GABRA3: variants seen among roughly 807,000 people sequenced by gnomAD.
GABRA3 encodes the protein gamma-aminobutyric acid receptor subunit alpha-3.
Under a neutral mutation model 30.1 loss-of-function variants are expected in GABRA3, and 10 were observed. That is an observed-to-expected ratio of 0.33 (90% CI 0.20 to 0.56). The LOEUF is 0.56. GABRA3 is among the 20% of genes least tolerant of loss of function. The pLI, the probability that GABRA3 is intolerant of heterozygous loss-of-function variation, is 0.89. For synonymous variants in GABRA3, 151 were observed against 146.8 expected (o/e 1.03, Z -0.21); for missense variants, 233 against 392.0 (o/e 0.59, Z 3.42).
At chrX:152,204,161 C>T (rs1016271019) in intron 7 of GABRA3, among the ~76,000 whole-genome samples, 2 of 110,875 alleles carry the variant, frequency 1.8e-5, no homozygotes, top group African/African-American at 6.6e-5. Flanking sequence ...GCACTCAATA[C>T]CTTAGAGTAG....
At chrX:152,284,782 T>C (rs1333471449) in intron 3 of GABRA3, 47 bp from the exon 4 acceptor site, 1 of 977,687 alleles carries the variant, frequency 1.0e-6, no homozygotes. Flanking sequence ...AAGGCTTTTG[T>C]CTTAGCTCAG....
chrX:152,227,760 T>C (rs1257460333), intron 5 of GABRA3, among the ~76,000 whole-genome samples: 2 of 109,893 alleles, frequency 1.8e-5, no homozygotes, highest in Admixed American at 2.0e-4. Context: ...CAGACATTAT[T>C]ATCATCTTTA....
chrX:152,199,273 G>A (rs1406116575), intron 7 of GABRA3, among the ~76,000 whole-genome samples: 4 of 105,615 alleles, frequency 3.8e-5, no homozygotes, highest in Non-Finnish European at 8.0e-5. Context: ...GGCTGAGGCA[G>A]GAGAATGGCG....
At chrX:152,352,383 C>A (rs1250305566) in intron 2 of GABRA3, among the ~76,000 whole-genome samples, 1 of 111,680 alleles carries the variant, frequency 9.0e-6, no homozygotes, top group Non-Finnish European at 1.9e-5. Flanking sequence ...TCATTAACTT[C>A]CCCCCAAACT....
chrX:152,283,344 G>A (rs956656898), intron 4 of GABRA3, among the ~76,000 whole-genome samples: 5 of 111,263 alleles, frequency 4.5e-5, no homozygotes, highest in South Asian at 7.5e-4. Context: ...ACTTGCCCTC[G>A]AGGAGTTCAA....
At chrX:152,266,822 C>G (rs748992691) in intron 4 of GABRA3, among the ~76,000 whole-genome samples, 1 of 111,609 alleles carries the variant, frequency 9.0e-6, no homozygotes, top group East Asian at 2.8e-4. Context: ...AGCTCCATGA[C>G]AGCAGGGACT....
chrX:152,432,747 T>C (rs1271793689), intron 1 of GABRA3, among the ~76,000 whole-genome samples: 1 of 111,560 alleles, frequency 9.0e-6, no homozygotes, highest in South Asian at 3.7e-4. Context: ...TGGAAAAAGA[T>C]GAAAGCTATA....
chrX:152,368,940 T>A (rs771757093), intron 1 of GABRA3, among the ~76,000 whole-genome samples: 1 of 111,020 alleles, frequency 9.0e-6, no homozygotes, highest in African/African-American at 3.3e-5. Flanking sequence ...CTCCTGACCT[T>A]GTGATCCGCC....
intron 6 of GABRA3, among the ~76,000 whole-genome samples, chrX:152,220,706 C>T (rs752906260): frequency 1.8e-5 from 2 of 111,704 alleles, no homozygotes; most frequent in East Asian, 5.7e-4. Flanking sequence ...TCAACATCCT[C>T]ACCAAGAAGT....
intron 1 of GABRA3, among the ~76,000 whole-genome samples, chrX:152,413,566 T>C (rs1448412140): frequency 9.0e-6 from 1 of 111,438 alleles, no homozygotes. Context: ...AACTATATAA[T>C]GCAGAAATAT....
chrX:152,359,042 T>G (rs2124490335), intron 2 of GABRA3, among the ~76,000 whole-genome samples: 1 of 111,334 alleles, frequency 9.0e-6, no homozygotes, highest in East Asian at 2.8e-4. Context: ...GTGTACCAGG[T>G]TTTGGTATCA....
At chrX:152,202,190 G>A (rs902103087) in intron 7 of GABRA3, among the ~76,000 whole-genome samples, 2 of 111,692 alleles carry the variant, frequency 1.8e-5, no homozygotes, top group Non-Finnish European at 3.8e-5. Flanking sequence ...GAGAAAGCCA[G>A]CCATACCAAT....
chrX:152,281,234 C>G (rs1939193381), intron 4 of GABRA3, among the ~76,000 whole-genome samples: 1 of 111,971 alleles, frequency 8.9e-6, no homozygotes, highest in South Asian at 3.7e-4. Flanking sequence ...CAACCTTTCT[C>G]TTATTGCCAT....
At chrX:152,197,809 A>G in intron 7 of GABRA3, 24 bp from the exon 8 acceptor site, 1 of 1,153,896 alleles carries the variant, frequency 8.7e-7, no homozygotes, top group African/African-American at 1.8e-5. Context: ...AAAATTAGGC[A>G]GTATGTAGCT....
At chrX:152,331,676 T>C (rs1357393561) in intron 3 of GABRA3, among the ~76,000 whole-genome samples, 2 of 111,237 alleles carry the variant, frequency 1.8e-5, no homozygotes, top group Non-Finnish European at 3.8e-5. Context: ...AACTGAAGAA[T>C]GAAGGAGGTG....
At chrX:152,240,315 T>C (rs1328266742) in intron 5 of GABRA3, among the ~76,000 whole-genome samples, 4 of 99,281 alleles carry the variant, frequency 4.0e-5, no homozygotes, top group African/African-American at 4.2e-5. Flanking sequence ...GAACGTTGAA[T>C]ATTGGCCCCC....
chrX:152,237,811 A>C (rs1426899450), intron 5 of GABRA3, among the ~76,000 whole-genome samples: 3 of 107,519 alleles, frequency 2.8e-5, no homozygotes, highest in South Asian at 4.1e-4. Context: ...GTTGGTGTAT[A>C]AGAATGCTTG....
At chrX:152,296,380 A>G (rs1379887369) in intron 3 of GABRA3, among the ~76,000 whole-genome samples, 1 of 111,913 alleles carries the variant, frequency 8.9e-6, no homozygotes, top group Non-Finnish European at 1.9e-5. Flanking sequence ...ATATTTGGGG[A>G]CTAAGATACT....
At chrX:152,277,392 T>C (rs1939106768) in intron 4 of GABRA3, among the ~76,000 whole-genome samples, 1 of 111,603 alleles carries the variant, frequency 9.0e-6, no homozygotes, top group Non-Finnish European at 1.9e-5. Context: ...TTTTTCTGTG[T>C]TATTTCCCAG....
Sources: gnomAD v4.1 joint callset for allele counts (sites outside exome capture counted in the v4.1 genomes callset) on GRCh38, gnomAD v4.1.1 for gene constraint, MANE v1.5 for transcripts, NCBI Gene and HGNC (gene_info 2026-07-23, HGNC 2026-07-21) for gene names.